Variants in ZNF337 observed in about 807,000 individuals in gnomAD.
The protein encoded by ZNF337 is zinc finger protein 337.
In ZNF337, 8 loss-of-function variants were observed where a neutral mutation model predicts 12.1. That is an observed-to-expected ratio of 0.66 (90% CI 0.39 to 1.19). The LOEUF (loss-of-function observed/expected upper bound fraction) is 1.19. Among genes scored for constraint, ZNF337 ranks in the 50% most tolerant of loss-of-function variants. ZNF337 has a pLI of 0.01. For missense variants in ZNF337, 882 were observed against 896.6 expected (o/e 0.98, Z 0.21); for synonymous variants, 336 against 320.0 (o/e 1.05, Z -0.53).
intron 1 of ZNF337, 82 bp from the exon 2 acceptor site, chr20:25,686,548 CTG>C: frequency 9.6e-7 from 1 of 1,037,806 alleles, no homozygotes. Context: ...CCAATACCAA[CTG>C]GGGATCTGGG....
chr20:25,675,904 A>T lies in ZNF337; in HGVS notation c.1384T>A (p.Cys462Ser), dbSNP rs183453408. ...ITHSEEKPFVCKDCGRGFIQK... is the reference protein window; with the variant it reads ...ITHSEEKPFVSKDCGRGFIQK... ...ATAAAGCCTCGTCCACAGTCCTTGC[A>T]CACAAAAGGCTTCTCCTCTGAGTGT... Residue 462 changes from cysteine (C) to serine (S), a missense_variant, in exon 5 of 5, where the codon TGC becomes AGC. Coordinates refer to ENST00000252979, the MANE Select transcript of ZNF337 (RefSeq NM_015655.4). 37 of 1,614,122 alleles carry T rather than the reference A, an allele frequency of 2.3e-5. No individual in the cohort carries two copies. The highest frequency in any genetic ancestry group is 1.6e-4 in the Middle Eastern group (1 of 6,062).
intron 4 of ZNF337, among the ~76,000 whole-genome samples, chr20:25,685,358 G>C (rs1569012882): frequency 6.6e-6 from 1 of 152,154 alleles, no homozygotes; most frequent in Non-Finnish European, 1.5e-5. Flanking sequence ...CTAGCAAGTA[G>C]GGGGAAAGGA....
rs367547255 is a variant in ZNF337, at chr20:25,676,283, G to A, written c.1005C>T (p.Phe335=). 13 of 1,610,866 alleles carry A rather than the reference G, an allele frequency of 8.1e-6. No homozygotes were observed. Among genetic ancestry groups the A allele is most frequent in the African/African-American group, 1.4e-5 (1 of 73,662 alleles). ...CTGAGTGTATTCTCTTGTGCACAAC[G>A]AAGTATGACTTATTAGTATAGCCTC... The part of the protein sequence containing the change: ...CGRGYTNKSY[F]VVHKRIHSGE... Residue 335 remains phenylalanine, a synonymous_variant, in exon 5 of 5, where the codon TTC becomes TTT. Coordinates refer to ENST00000252979, the MANE Select transcript of ZNF337 (RefSeq NM_015655.4).
chr20:25,689,017 GTCCCAGCTAC>G (rs1202642672), intron 1 of ZNF337, among the ~76,000 whole-genome samples: 1 of 151,808 alleles, frequency 6.6e-6, no homozygotes, highest in Non-Finnish European at 1.5e-5. Flanking sequence ...GGCGCCTGTA[GTCCCAGCTAC>G]TCGGGAGGCT....
In ZNF337 at chr20:25,696,818, C is replaced by A; in HGVS notation, c.-109G>T. On this transcript the variant is annotated 5_prime_UTR_variant, in exon 1 of 5. Coordinates refer to ENST00000252979, the MANE Select transcript of ZNF337 (RefSeq NM_015655.4). ...CACCGATGGTGGACCACGCATCTCA[C>A]GGCTCGCTGACGCCCAGGGATCTGG... 1 of 985,522 alleles carries A rather than the reference C, an allele frequency of 1.0e-6. No homozygotes were observed. Among genetic ancestry groups the A allele is most frequent in the Non-Finnish European group, 1.2e-6 (1 of 829,982 alleles). 61.0% of individuals were successfully genotyped at this position (985,522 alleles called of 1,614,324 possible).
rs775639536 is a variant in ZNF337 at position 25,675,773 on chromosome 20, C to G, written c.1515G>C (p.Lys505Asn). 1.4e-5 allele frequency: 23 copies of G among 1,613,696 alleles called. No individual in the cohort carries two copies. The highest frequency in any genetic ancestry group is 1.9e-5 in the Non-Finnish European group (22 of 1,179,962). The part of the protein sequence containing the change: ...RRFRDKSSYN[K>N]HLRAHLGEKR... ...TCTCACCCAAGTGTGCCCTCAGGTG[C>G]TTGTTATAGGAGGACTTATCCCGAA... is the stretch of plus-strand genomic sequence containing the variant. Residue 505 changes from lysine to asparagine, a missense_variant, in exon 5 of 5, where the codon AAG (lysine) becomes AAC (asparagine). Transcript: ENST00000252979.
chr20:25,691,945 T>C (rs1217022150), intron 1 of ZNF337, among the ~76,000 whole-genome samples: 4 of 152,054 alleles, frequency 2.6e-5, no homozygotes, highest in Non-Finnish European at 5.9e-5. Flanking sequence ...GGCAATTAGG[T>C]AAGTGGTGTG....
intron 1 of ZNF337, among the ~76,000 whole-genome samples, chr20:25,694,673 G>GGCTTGGGGCC: frequency 6.6e-6 from 1 of 152,182 alleles, no homozygotes; most frequent in Admixed American, 6.5e-5. Flanking sequence ...GCCTATGTAT[G>GGCTTGGGGCC]AGGCTTGGGG....
chr20:25,682,232 T>C (rs1004845684), intron 4 of ZNF337, among the ~76,000 whole-genome samples: 46 of 152,174 alleles, frequency 3.0e-4, no homozygotes, highest in African/African-American at 1.1e-3. Context: ...GTAACTATTA[T>C]TAGGTTTTAC....
intron 4 of ZNF337, among the ~76,000 whole-genome samples, chr20:25,683,451 G>A (rs2065791717): frequency 6.6e-6 from 1 of 151,748 alleles, no homozygotes; most frequent in Non-Finnish European, 1.5e-5. Flanking sequence ...TATGGGAATT[G>A]AAGAAGGAGA....
In ZNF337 at chr20:25,676,092, G is replaced by A; in HGVS notation, c.1196C>T (p.Ser399Leu). The stretch of plus-strand genomic sequence containing the variant: ...CTTGCACACAAAAGGCTTCTCCCCT[G>A]AGTGTGTTCTCTGGTGTCTGAGGAG... ...GSLLRHQRTH[S>L]GEKPFVCKDC... Residue 399 changes from serine (S) to leucine (L), a missense_variant, in exon 5 of 5, where the codon TCA becomes TTA. Transcript: ENST00000252979. 7 of 1,613,872 alleles carry A rather than the reference G, an allele frequency of 4.3e-6. No homozygotes were observed. The South Asian group carries it at 7.7e-5, about 18-fold the overall frequency.
chr20:25,683,667 A>T (rs2065794027), intron 4 of ZNF337, among the ~76,000 whole-genome samples: 1 of 152,212 alleles, frequency 6.6e-6, no homozygotes, highest in Non-Finnish European at 1.5e-5. Flanking sequence ...ATACCATCTC[A>T]TACCAGTTAG....
intron 1 of ZNF337, among the ~76,000 whole-genome samples, chr20:25,689,526 G>T (rs2065866797): frequency 6.6e-6 from 1 of 152,116 alleles, no homozygotes; most frequent in South Asian, 2.1e-4. Flanking sequence ...TCTGTATCTT[G>T]ATTGAGGTGA....
Position 25,682,878 on chromosome 20 carries a change from T to C in ZNF337, c.250+2689A>G, listed in dbSNP as rs536255751. 5.3e-5 allele frequency among the ~76,000 whole-genome samples: 8 copies of C among 152,156 alleles called. No individual in the cohort carries two copies. In the South Asian group the frequency reaches 1.7e-3, roughly 32 times the overall value. The stretch of plus-strand genomic sequence containing the variant: ...ATATCTTTAAATCTTTGTATCTTTA[T>C]AAACTTGATCTAGGAAGGGTTTCTT... On this transcript the variant is annotated intron_variant, in intron 4 of 4. Transcript: ENST00000252979.
Position 25,686,003 on chromosome 20 carries a change from G to A in ZNF337, c.147C>T (p.Val49=), listed in dbSNP as rs778369283. ...GAGGGAAGCCACGCTTACCTAGTGA[G>A]ACCAGGTGGCTGTAGTTCTCCAGTG... ...EVTLENYSHL[V]SLGILHSKPE... Residue 49 remains valine, a synonymous_variant, in exon 3 of 5, where the codon GTC becomes GTT. Transcript: ENST00000252979. 3.1e-6 allele frequency: 5 copies of A among 1,612,168 alleles called. No individual in the cohort carries two copies. The highest frequency in any genetic ancestry group is 1.3e-5 in the African/African-American group (1 of 74,800).
At chr20:25,685,717 C>A in intron 3 of ZNF337, 55 bp from the exon 4 acceptor site, 1 of 1,507,650 alleles carries the variant, frequency 6.6e-7, no homozygotes, top group Non-Finnish European at 9.2e-7. Context: ...CTCCACGGGC[C>A]ATTTGCTGGA....
chr20:25,686,021 C>G lies in ZNF337; in HGVS notation c.129G>C (p.Glu43Asp), dbSNP rs1430874086. The G allele has an allele frequency of 1.2e-6, 2 of 1,613,210 alleles. No homozygotes were observed. The highest frequency in any genetic ancestry group is 4.5e-5 in the East Asian group (2 of 44,904). ...QRALYREVTL[E>D]NYSHLVSLGI... is the part of the protein sequence containing the mutation. Reference sequence around the variant, plus strand: ...CTAGTGAGACCAGGTGGCTGTAGTTCTCCAGTGTCACCTCCCTGTACAGGG... The same window carrying G: ...CTAGTGAGACCAGGTGGCTGTAGTTGTCCAGTGTCACCTCCCTGTACAGGG... The change falls in exon 3 of 5, where the codon GAG becomes GAC. Residue 43 changes from glutamate (E) to aspartate (D), a missense_variant. Transcript: ENST00000252979.
chr20:25,686,501 G>T, intron 1 of ZNF337, 35 bp from the exon 2 acceptor site: 2 of 1,500,756 alleles, frequency 1.3e-6, no homozygotes, highest in Non-Finnish European at 1.8e-6. Context: ...GTGGCTGGGT[G>T]CAGCTGCCCT....
At chr20:25,682,233 T>G (rs918304644) in intron 4 of ZNF337, among the ~76,000 whole-genome samples, 1 of 152,180 alleles carries the variant, frequency 6.6e-6, no homozygotes, top group East Asian at 1.9e-4. Context: ...TAACTATTAT[T>G]AGGTTTTACA....
Sources: allele counts gnomAD v4.1 joint callset (sites outside exome capture counted in the v4.1 genomes callset), GRCh38; gene constraint gnomAD v4.1.1; transcripts MANE v1.5; gene names NCBI Gene and HGNC (gene_info 2026-07-23, HGNC 2026-07-21).